Variants in NNT observed in about 807,000 individuals in gnomAD.
NNT encodes nicotinamide nucleotide transhydrogenase.
NNT carries 50 observed loss-of-function variants against 104.8 expected under a neutral mutation model. The observed-to-expected ratio is 0.48, with a 90% CI of 0.38 to 0.60. The LOEUF is 0.60. Among genes scored for constraint, NNT ranks in the 20% least tolerant of loss-of-function variants. NNT has a pLI of 0.00. For synonymous variants in NNT, 461 were observed against 490.4 expected (o/e 0.94, Z 0.79); for missense variants, 1,131 against 1,330.7 (o/e 0.85, Z 2.33).
rs541811579 is a variant in NNT, at chr5:43,605,570, A to C, written c.-54+2276A>C. On this transcript the variant is annotated intron_variant, in intron 1 of 21. Transcript: ENST00000344920. ...AAAAAAAGTTGTGCTTTTTTCCCCT[A>C]ATTTTGAGTTATAAAGTTTTTTTCT... Among the ~76,000 whole-genome samples the C allele has an allele frequency of 3.4e-5, 5 of 146,872 alleles. No individual in the cohort carries two copies. In the East Asian group the frequency reaches 9.8e-4, roughly 29 times the overall value.
At chr5:43,693,974 A>C (rs957917992) in intron 19 of NNT, among the ~76,000 whole-genome samples, 1 of 152,200 alleles carries the variant, frequency 6.6e-6, no homozygotes, top group African/African-American at 2.4e-5. Flanking sequence ...CAGTGCTAAT[A>C]AAAAATACCT....
rs762844673 is a variant in NNT, at chr5:43,645,446, T to C, written c.1380T>C (p.Ala460=). ...AGAAGACAGTGGCTGAGCTGGAAGC[T>C]GAAAAAGCAGCTACCATTACACCCT... ...VKQKTVAELE[A]EKAATITPFR... is the part of the protein sequence containing the mutation. Residue 460 remains alanine (A), a synonymous_variant, in exon 10 of 22, where the codon GCT becomes GCC. Transcript: ENST00000344920. The C allele has an allele frequency of 6.3e-7, 1 of 1,575,706 alleles. No homozygotes were observed. Among genetic ancestry groups the C allele is most frequent in the Non-Finnish European group, 8.6e-7 (1 of 1,159,786 alleles).
intron 7 of NNT, among the ~76,000 whole-genome samples, chr5:43,639,917 A>G (rs1751133604): frequency 6.6e-6 from 1 of 150,756 alleles, no homozygotes; most frequent in Non-Finnish European, 1.5e-5. Flanking sequence ...TGTCACAGTG[A>G]CTGATTTTTT....
At chr5:43,635,344 CTG>C (rs1327414053) in intron 7 of NNT, among the ~76,000 whole-genome samples, 1 of 152,134 alleles carries the variant, frequency 6.6e-6, no homozygotes, top group African/African-American at 2.4e-5. Flanking sequence ...TGCTCTGGGA[CTG>C]TCTCTATTTA....
At chr5:43,621,997 G>T (rs1272839304) in intron 5 of NNT, among the ~76,000 whole-genome samples, 4 of 152,182 alleles carry the variant, frequency 2.6e-5, no homozygotes, top group African/African-American at 9.7e-5. Context: ...CTCTCTTCTA[G>T]GTCATGTTAT....
At chr5:43,621,082 A>C (rs1047531326) in intron 5 of NNT, among the ~76,000 whole-genome samples, 3 of 152,238 alleles carry the variant, frequency 2.0e-5, no homozygotes, top group Non-Finnish European at 4.4e-5. Flanking sequence ...ATTAAGGTGG[A>C]TTGCATAATA....
At chr5:43,608,242 G>C (rs1478969687) in intron 1 of NNT, among the ~76,000 whole-genome samples, 6 of 152,160 alleles carry the variant, frequency 3.9e-5, no homozygotes, top group Admixed American at 2.6e-4. Flanking sequence ...TTCCATTCTT[G>C]AAAGAAAGAA....
At chr5:43,647,067 G>T (rs901615971) in intron 10 of NNT, among the ~76,000 whole-genome samples, 19 of 152,226 alleles carry the variant, frequency 1.2e-4, no homozygotes, top group African/African-American at 4.6e-4. Context: ...AAACTATAAA[G>T]AATTAAGGAC....
intron 4 of NNT, among the ~76,000 whole-genome samples, chr5:43,616,599 C>T (rs565108888): frequency 6.6e-6 from 1 of 152,300 alleles, no homozygotes; most frequent in African/African-American, 2.4e-5. Flanking sequence ...GCTATGTCTT[C>T]GACCTTTAAG....
At chr5:43,634,939 A>G (rs374310393) in intron 7 of NNT, among the ~76,000 whole-genome samples, 4 of 152,196 alleles carry the variant, frequency 2.6e-5, no homozygotes, top group South Asian at 2.1e-4. Flanking sequence ...CTCCAAAAGC[A>G]TGTTGCAATA....
chr5:43,666,012 C>T (rs1032532068), intron 17 of NNT, among the ~76,000 whole-genome samples: 3 of 150,764 alleles, frequency 2.0e-5, no homozygotes, highest in South Asian at 2.1e-4. Flanking sequence ...GGGGCAGAGG[C>T]GCTCCCCACA....
At chr5:43,701,649 C>T (rs1033846276) in intron 20 of NNT, among the ~76,000 whole-genome samples, 8 of 152,146 alleles carry the variant, frequency 5.3e-5, no homozygotes, top group Non-Finnish European at 1.0e-4. Context: ...TGAAAAATCT[C>T]CAAATTGCTT....
intron 18 of NNT, among the ~76,000 whole-genome samples, chr5:43,677,000 G>T (rs1317255783): frequency 6.6e-6 from 1 of 152,000 alleles, no homozygotes; most frequent in African/African-American, 2.4e-5. Context: ...CAGAAAGGAG[G>T]GTGAAGATGA....
At chr5:43,651,205 A>T (rs1040518287) in intron 12 of NNT, among the ~76,000 whole-genome samples, 3 of 152,078 alleles carry the variant, frequency 2.0e-5, no homozygotes, top group Admixed American at 2.0e-4. Flanking sequence ...TTGCATTCTG[A>T]TAGCAAGTTT....
chr5:43,605,312 C>T (rs980868953), intron 1 of NNT, among the ~76,000 whole-genome samples: 199 of 151,188 alleles, frequency 1.3e-3, no homozygotes, highest in African/African-American at 4.6e-3. Flanking sequence ...GTCAGGAGAT[C>T]GAGACCATCC....
At chr5:43,685,882 A>G (rs1741961441) in intron 19 of NNT, among the ~76,000 whole-genome samples, 1 of 152,122 alleles carries the variant, frequency 6.6e-6, no homozygotes, top group Non-Finnish European at 1.5e-5. Flanking sequence ...TCTGAAATCT[A>G]ATGTGAAGTT....
At chr5:43,607,874 C>T (rs1043892599) in intron 1 of NNT, among the ~76,000 whole-genome samples, 1 of 152,176 alleles carries the variant, frequency 6.6e-6, no homozygotes, top group African/African-American at 2.4e-5. Flanking sequence ...AACTTACAGG[C>T]AGAGTTAGCA....
At chr5:43,618,999 ATTAT>A (rs372737896) in intron 4 of NNT, 29 bp from the exon 5 acceptor site, 400 of 1,209,258 alleles carry the variant, frequency 3.3e-4, no homozygotes, top group South Asian at 8.6e-4. Flanking sequence ...CTTTTATGGA[ATTAT>A]TTATTTATTT....
At chr5:43,658,884 AT>A (rs374763756) in intron 16 of NNT, among the ~76,000 whole-genome samples, 5 of 152,042 alleles carry the variant, frequency 3.3e-5, no homozygotes, top group African/African-American at 1.2e-4. Flanking sequence ...GTGTCATTGT[AT>A]TTTTCCAAAT....
Sources: gnomAD v4.1 joint callset for allele counts (sites outside exome capture counted in the v4.1 genomes callset) on GRCh38, gnomAD v4.1.1 for gene constraint, MANE v1.5 for transcripts, NCBI Gene and HGNC (gene_info 2026-07-23, HGNC 2026-07-21) for gene names.